The following VPS50 variants were observed in gnomAD, a reference collection of about 807,000 sequenced individuals.
VPS50 encodes the protein VPS50 subunit of EARP/GARPII complex.
Under a neutral mutation model 139.7 loss-of-function variants are expected in VPS50, and 70 were observed. That is an observed-to-expected ratio of 0.50 (90% CI 0.41 to 0.61). VPS50 has a LOEUF of 0.61. Ranked by LOEUF, VPS50 falls within the 20% of genes least tolerant of loss-of-function variation. VPS50 has a pLI of 0.00. For synonymous variants in VPS50, 365 were observed against 376.7 expected, an observed-to-expected ratio of 0.97 and a Z score of 0.36; for missense variants, 921 against 1,133.7, an observed-to-expected ratio of 0.81 and a Z score of 2.69.
Position 93,360,407 on chromosome 7 carries a change from G to GTTTTTT in VPS50, c.*1986_*1991dup, listed in dbSNP as rs35020495. On this transcript the variant is annotated 3_prime_UTR_variant, in exon 28 of 28. Coordinates refer to ENST00000305866, the MANE Select transcript of VPS50 (RefSeq NM_017667.4). ...ATCTTTTTAATGCTTTTTGAAAAAG[G>GTTTTTT]TTTTTTTTTTTTTTTTTTTTCATTA... 10 of 124,062 alleles carry GTTTTTT rather than the reference G, an allele frequency of 8.1e-5. No homozygotes were observed. Among genetic ancestry groups the GTTTTTT allele is most frequent in the African/African-American group, 3.0e-4 (10 of 33,022 alleles). 7.7% of individuals were successfully genotyped at this position (124,062 alleles called of 1,614,324 possible). A position where few individuals can be genotyped will look rare whatever the true frequency, so the allele number is the denominator to read the frequency against.
intron 9 of VPS50, among the ~76,000 whole-genome samples, chr7:93,260,348 G>A (rs1327591921): frequency 6.6e-6 from 1 of 152,076 alleles, no homozygotes; most frequent in African/African-American, 2.4e-5. Flanking sequence ...AAGTAAAATA[G>A]TGTGCTTGCC....
chr7:93,341,547 G>C lies in VPS50; in HGVS notation c.2179G>C (p.Ala727Pro). ...LTSGDTLYGL[A>P]ERVVATESLV... ...ATCTGGGGATACGCTGTATGGGTTG[G>C]CAGAAAGAGTGGTAGCCACGGAATC... Residue 727 changes from alanine to proline, a missense_variant, in exon 23 of 28, where the codon GCA (alanine) becomes CCA (proline). Coordinates refer to ENST00000305866, the MANE Select transcript of VPS50 (RefSeq NM_017667.4). 1 of 1,610,314 alleles carries C rather than the reference G, an allele frequency of 6.2e-7. No homozygotes were observed. The highest frequency in any genetic ancestry group is 8.5e-7 in the Non-Finnish European group (1 of 1,178,314).
chr7:93,322,098 C>CT (rs1277303411), intron 20 of VPS50, among the ~76,000 whole-genome samples: 1 of 150,148 alleles, frequency 6.7e-6, no homozygotes, highest in Non-Finnish European at 1.5e-5. Context: ...AAGAATAAAT[C>CT]TGAGTTGAGT....
At chr7:93,324,498 G>C (rs1443501088) in intron 21 of VPS50, among the ~76,000 whole-genome samples, 6 of 152,214 alleles carry the variant, frequency 3.9e-5, no homozygotes, top group Admixed American at 1.3e-4. Context: ...TTAGCATGAA[G>C]AGTTGTTGAA....
chr7:93,267,654 G>A (rs1450471508), intron 9 of VPS50, among the ~76,000 whole-genome samples: 2 of 152,080 alleles, frequency 1.3e-5, no homozygotes, highest in African/African-American at 4.8e-5. Context: ...AAGGTTGTGG[G>A]GGTAGTTACT....
chr7:93,356,031 C>A lies in VPS50; in HGVS notation c.2726C>A (p.Ala909Asp). ...GAATTTGTAGAAACTTATATTAAAGCTTATTACCTAACTGAGAATGACATG... is the reference window on the plus strand; with the variant it reads ...GAATTTGTAGAAACTTATATTAAAGATTATTACCTAACTGAGAATGACATG... ...DKEFVETYIK[A>D]YYLTENDMER... The change falls in exon 27 of 28, where the codon GCT (alanine) becomes GAT (aspartate). Residue 909 changes from alanine (A) to aspartate (D), a missense_variant. Ala to Asp is a moderately radical substitution (Grantham distance 126). Coordinates refer to ENST00000305866, the MANE Select transcript of VPS50 (RefSeq NM_017667.4). 6.4e-7 allele frequency: 1 copy of A among 1,558,954 alleles called. No homozygotes were observed. The highest frequency in any genetic ancestry group is 8.8e-7 in the Non-Finnish European group (1 of 1,140,032).
Position 93,291,769 on chromosome 7 carries a change from C to T in VPS50, c.1009C>T (p.Leu337Phe). The T allele has an allele frequency of 6.2e-7, 1 of 1,601,952 alleles. No homozygotes were observed. Among genetic ancestry groups the T allele is most frequent in the Non-Finnish European group, 8.5e-7 (1 of 1,170,334 alleles). The change falls in exon 13 of 28, where the codon CTC (leucine) becomes TTC (phenylalanine). Residue 337 changes from leucine (L) to phenylalanine (F), a missense_variant. By Grantham distance (22) the Leu-to-Phe change is conservative (BLOSUM62 0). Transcript: ENST00000305866. ...DLCKALWEVM[L>F]SYYRTMEWHE... is the part of the protein sequence containing the mutation. ...GTGCAAAGCACTATGGGAAGTTATG[C>T]TCAGCTATTATAGGACTATGGAATG...
At chr7:93,257,356 A>G (rs1184410091) in intron 5 of VPS50, 38 bp from the exon 6 acceptor site, 3 of 1,243,474 alleles carry the variant, frequency 2.4e-6, no homozygotes, top group East Asian at 4.7e-5. Context: ...GAAAAATAAA[A>G]TACCTCCAAC....
chr7:93,234,939 TAAA>T (rs11289729), intron 1 of VPS50, among the ~76,000 whole-genome samples: 1 of 144,678 alleles, frequency 6.9e-6, no homozygotes, highest in African/African-American at 2.5e-5. Flanking sequence ...CTATTCTAAG[TAAA>T]AAAAAAAAAA....
chr7:93,336,487 T>G (rs898793289), intron 22 of VPS50, among the ~76,000 whole-genome samples: 1 of 152,220 alleles, frequency 6.6e-6, no homozygotes, highest in Non-Finnish European at 1.5e-5. Context: ...GCTAACTAAA[T>G]TGTTTGCTTT....
At chr7:93,333,132 G>A (rs1797982562) in intron 21 of VPS50, among the ~76,000 whole-genome samples, 1 of 152,010 alleles carries the variant, frequency 6.6e-6, no homozygotes, top group Non-Finnish European at 1.5e-5. Context: ...AAGAAAAATG[G>A]ATTAATGAAG....
intron 16 of VPS50, among the ~76,000 whole-genome samples, chr7:93,302,925 C>T (rs920097824): frequency 3.3e-5 from 5 of 151,968 alleles, no homozygotes; most frequent in Admixed American, 6.6e-5. Flanking sequence ...CAAGTATATA[C>T]GTGTCTTAGC....
chr7:93,345,562 G>A (rs1441031866), intron 23 of VPS50, among the ~76,000 whole-genome samples: 2 of 152,170 alleles, frequency 1.3e-5, no homozygotes, highest in African/African-American at 4.8e-5. Context: ...GATGAACATT[G>A]ATGCAAAAAT....
At chr7:93,328,624 A>T (rs1307747299) in intron 21 of VPS50, among the ~76,000 whole-genome samples, 1 of 152,192 alleles carries the variant, frequency 6.6e-6, no homozygotes, top group African/African-American at 2.4e-5. Flanking sequence ...TAGTCTGCAG[A>T]TGGGAGAAAG....
intron 23 of VPS50, among the ~76,000 whole-genome samples, chr7:93,345,622 A>G (rs1798367520): frequency 6.6e-6 from 1 of 152,228 alleles, no homozygotes; most frequent in Non-Finnish European, 1.5e-5. Flanking sequence ...CAAAAAGCTT[A>G]TCCACCATGA....
chr7:93,334,691 G>A (rs1562892678), intron 22 of VPS50, among the ~76,000 whole-genome samples: 1 of 152,182 alleles, frequency 6.6e-6, no homozygotes, highest in Non-Finnish European at 1.5e-5. Context: ...CAAGGAGAAA[G>A]TTTGGGTTTA....
chr7:93,353,752 T>C lies in VPS50; in HGVS notation c.2576T>C (p.Ile859Thr). The stretch of plus-strand genomic sequence containing the variant: ...TGTATACGATTGGCTAATCGAACTA[T>C]TGTAGAAGGGTAAGTTTTTCATGAA... ...EHCIRLANRT[I>T]VEGYANVKKC... The change falls in exon 26 of 28, where the codon ATT (isoleucine) becomes ACT (threonine). Residue 859 changes from isoleucine (I) to threonine (T), a missense_variant. Around this residue, in one of 3 missense-constraint regions of VPS50, gnomAD observed 158 missense variants for 156.3 expected, o/e 1.01. Coordinates refer to ENST00000305866, the MANE Select transcript of VPS50 (RefSeq NM_017667.4). 1 of 1,602,680 alleles carries C rather than the reference T, an allele frequency of 6.2e-7. No individual in the cohort carries two copies. Among genetic ancestry groups the C allele is most frequent in the East Asian group, 2.2e-5 (1 of 44,732 alleles).
intron 3 of VPS50, 52 bp from the exon 4 acceptor site, chr7:93,253,808 C>G (rs913239581): frequency 9.3e-7 from 1 of 1,078,290 alleles, no homozygotes; most frequent in African/African-American, 1.6e-5. Flanking sequence ...GTAAATGAAA[C>G]CAAATTAAAC....
rs1795548607 is a variant in VPS50 at position 93,258,183 on chromosome 7, T to C, written c.447T>C (p.Gly149=). The change falls in exon 7 of 28, where the codon GGT becomes GGC. Residue 149 remains glycine (G), a synonymous_variant. Coordinates refer to ENST00000305866, the MANE Select transcript of VPS50 (RefSeq NM_017667.4). ...GRRHLNIAKE[G]FTQASLGLLA... is the part of the protein sequence containing the mutation. The stretch of plus-strand genomic sequence containing the variant: ...GACACTTGAATATTGCAAAGGAAGG[T>C]TTTACTCAAGCTAGTTTAGGCCTTC... 6.4e-7 allele frequency: 1 copy of C among 1,566,402 alleles called. No individual in the cohort carries two copies. Among genetic ancestry groups the C allele is most frequent in the Non-Finnish European group, 8.8e-7 (1 of 1,137,502 alleles).
Sources: allele counts gnomAD v4.1 joint callset (sites outside exome capture counted in the v4.1 genomes callset), GRCh38; gene constraint gnomAD v4.1.1; regional missense constraint gnomAD v4.1.1; transcripts MANE v1.5; gene names NCBI Gene and HGNC (gene_info 2026-07-23, HGNC 2026-07-21).